Variants in PCDH15 observed in about 807,000 individuals in gnomAD.
The protein encoded by PCDH15 is protocadherin-15.
A neutral mutation model predicts 178.5 loss-of-function variants in PCDH15; 129 were observed. The ratio of observed to expected loss-of-function variants is 0.72; its 90% confidence interval spans 0.63 to 0.84. PCDH15 has a LOEUF of 0.84. PCDH15 is among the 40% of genes least tolerant of loss of function. The pLI is 0.00. For missense variants in PCDH15, 2,230 were observed against 2,099.9 expected (o/e 1.06, Z -1.21); for synonymous variants, 800 against 732.0 (o/e 1.09, Z -1.50).
In PCDH15 at chr10:55,429,399, C is replaced by A. The variant is rs1838829794; in HGVS notation, c.-156+198226G>T. Among the ~76,000 whole-genome samples, 4 of 152,034 alleles carry A rather than the reference C, an allele frequency of 2.6e-5. No homozygotes were observed. The South Asian group carries it at 8.3e-4, about 31-fold the overall frequency. The stretch of plus-strand genomic sequence containing the variant: ...TTACCTCCCTTTTGATACTTTAAAG[C>A]CATTGGTCTGCTTTTTTCCTCTTTC... On this transcript the variant is annotated intron_variant, in intron 2 of 5. Coordinates refer to the PCDH15 transcript ENST00000613346.
chr10:55,290,872 A>G lies in PCDH15; in HGVS notation c.-156+28727T>C, dbSNP rs1010600411. On this transcript the variant is annotated intron_variant, in intron 1 of 5. Transcript: ENST00000458638. ...AAAGATGGGAGGAGGAAATTTATCT[A>G]TATCTCTGATTAATGTGTGTTTAAA... Among the ~76,000 whole-genome samples, 11 of 152,256 alleles carry G rather than the reference A, an allele frequency of 7.2e-5. No homozygotes were observed. In the South Asian group the frequency reaches 1.5e-3, roughly 20 times the overall value.
At chr10:54,551,408 T>C (rs1403580464) in intron 2 of PCDH15, among the ~76,000 whole-genome samples, 1 of 152,044 alleles carries the variant, frequency 6.6e-6, no homozygotes, top group Non-Finnish European at 1.5e-5. Flanking sequence ...TATGGATGCT[T>C]TGGGCATTGT....
At chr10:54,991,683 A>C (rs990912153) in intron 2 of PCDH15, among the ~76,000 whole-genome samples, 1 of 152,156 alleles carries the variant, frequency 6.6e-6, no homozygotes. Context: ...TGACCTTCTC[A>C]ACATGTCTCT....
intron 3 of PCDH15, among the ~76,000 whole-genome samples, chr10:54,386,555 CT>C (rs1312419296): frequency 6.6e-6 from 1 of 152,122 alleles, no homozygotes; most frequent in Non-Finnish European, 1.5e-5. Flanking sequence ...CTCAACATAA[CT>C]TTTTCCCACT....
chr10:54,966,013 A>G (rs1838779181), intron 2 of PCDH15, among the ~76,000 whole-genome samples: 1 of 151,394 alleles, frequency 6.6e-6, no homozygotes, highest in African/African-American at 2.4e-5. Flanking sequence ...TTGTACACAC[A>G]TAAATATATC....
rs769050050 is a variant in PCDH15, at chr10:55,346,207, A to G, written c.-155-179556T>C. Among the ~76,000 whole-genome samples the G allele has an allele frequency of 3.9e-5, 6 of 152,318 alleles. No homozygotes were observed. In the East Asian group the frequency reaches 5.8e-4, roughly 15 times the overall value. On this transcript the variant is annotated intron_variant, in intron 2 of 5. Coordinates refer to the PCDH15 transcript ENST00000613346. ...AACAAATAGTCTTGATCAAAGAGCT[A>G]AACAGTTATAGATATTTAAAAAGTA...
At chr10:55,426,546 G>A (rs1467687319) in intron 2 of PCDH15, among the ~76,000 whole-genome samples, 1 of 152,148 alleles carries the variant, frequency 6.6e-6, no homozygotes, top group African/African-American at 2.4e-5. Flanking sequence ...GTGTTACAGT[G>A]CTCTTTAGCT....
chr10:54,650,557 G>T (rs2094235107), intron 2 of PCDH15, among the ~76,000 whole-genome samples: 1 of 152,092 alleles, frequency 6.6e-6, no homozygotes, highest in African/African-American at 2.4e-5. Flanking sequence ...AATTTCAAGA[G>T]ACTTCTTGAG....
intron 3 of PCDH15, among the ~76,000 whole-genome samples, chr10:54,379,521 G>C (rs532845949): frequency 6.6e-6 from 1 of 152,142 alleles, no homozygotes; most frequent in Non-Finnish European, 1.5e-5. Flanking sequence ...ACATGTCTGG[G>C]TTACTCTACT....
intron 3 of PCDH15, among the ~76,000 whole-genome samples, chr10:54,845,766 G>A (rs1167500146): frequency 6.6e-6 from 1 of 152,000 alleles, no homozygotes; most frequent in African/African-American, 2.4e-5. Context: ...TGAGAAAAAT[G>A]AGACAGCTCG....
intron 25 of PCDH15, among the ~76,000 whole-genome samples, chr10:53,905,981 A>G (rs2082654245): frequency 6.6e-6 from 1 of 152,098 alleles, no homozygotes; most frequent in African/African-American, 2.4e-5. Context: ...GACTTAAAAG[A>G]ACTTATACAT....
intron 2 of PCDH15, among the ~76,000 whole-genome samples, chr10:55,552,143 T>C (rs1329780294): frequency 2.0e-5 from 3 of 151,760 alleles, no homozygotes; most frequent in African/African-American, 7.2e-5. Flanking sequence ...TTAAATGCTT[T>C]AAAATATCAA....
chr10:55,208,125 A>T (rs1219774155), intron 1 of PCDH15, among the ~76,000 whole-genome samples: 1 of 152,164 alleles, frequency 6.6e-6, no homozygotes, highest in Non-Finnish European at 1.5e-5. Context: ...AAACATATTG[A>T]TTATATAGAG....
chr10:54,851,121 A>G (rs1953613825), intron 3 of PCDH15, among the ~76,000 whole-genome samples: 1 of 152,198 alleles, frequency 6.6e-6, no homozygotes, highest in Non-Finnish European at 1.5e-5. Context: ...TATTTTGACC[A>G]TAAATATGGA....
intron 26 of PCDH15, among the ~76,000 whole-genome samples, chr10:53,884,848 G>T (rs2080978278): frequency 6.6e-6 from 1 of 152,066 alleles, no homozygotes; most frequent in Admixed American, 6.6e-5. Flanking sequence ...ATAAATGTAG[G>T]TGAGATACAC....
chr10:55,462,138 T>C (rs1461275086), intron 2 of PCDH15, among the ~76,000 whole-genome samples: 1 of 152,154 alleles, frequency 6.6e-6, no homozygotes, highest in Non-Finnish European at 1.5e-5. Flanking sequence ...TGCATTTTTA[T>C]GGACATAAAA....
chr10:55,030,133 C>G (rs1840573557), intron 2 of PCDH15, among the ~76,000 whole-genome samples: 1 of 152,080 alleles, frequency 6.6e-6, no homozygotes, highest in Admixed American at 6.6e-5. Flanking sequence ...GAAATTAAGT[C>G]AGTTTCCAAA....
chr10:55,156,046 G>A (rs925905274), intron 2 of PCDH15, among the ~76,000 whole-genome samples: 2 of 152,034 alleles, frequency 1.3e-5, no homozygotes, highest in Non-Finnish European at 2.9e-5. Context: ...AACCCACGAA[G>A]AGAACAATGA....
intron 2 of PCDH15, among the ~76,000 whole-genome samples, chr10:54,943,375 C>T (rs547500755): frequency 3.3e-5 from 5 of 152,084 alleles, no homozygotes; most frequent in Non-Finnish European, 7.4e-5. Flanking sequence ...ACAATGTGCT[C>T]ACCTGAATAA....
Sources: gnomAD v4.1 joint callset for allele counts (sites outside exome capture counted in the v4.1 genomes callset) on GRCh38, gnomAD v4.1.1 for gene constraint, MANE v1.5 for transcripts, NCBI Gene and HGNC (gene_info 2026-07-23, HGNC 2026-07-21) for gene names.